KCNIP4: variants seen among roughly 807,000 people sequenced by gnomAD.
The protein encoded by KCNIP4 is Kv channel-interacting protein 4.
A neutral mutation model predicts 34.0 loss-of-function variants in KCNIP4; 12 were observed. The observed-to-expected ratio is 0.35, with a 90% CI of 0.23 to 0.57. The LOEUF (loss-of-function observed/expected upper bound fraction) is 0.57. KCNIP4 is among the 20% of genes least tolerant of loss of function. KCNIP4 has a pLI of 0.83. For synonymous variants in KCNIP4, 124 were observed against 102.2 expected, an observed-to-expected ratio of 1.21 and a Z score of -1.29; for missense variants, 238 against 311.7, an observed-to-expected ratio of 0.76 and a Z score of 1.78.
chr4:21,904,551 A>G (rs1727884644), intron 1 of KCNIP4, among the ~76,000 whole-genome samples: 1 of 152,204 alleles, frequency 6.6e-6, no homozygotes, highest in South Asian at 2.1e-4. Context: ...TTCAAATTCT[A>G]GAAATCTACT....
At chr4:21,098,986 G>T (rs1207842886) in intron 1 of KCNIP4, among the ~76,000 whole-genome samples, 1 of 152,184 alleles carries the variant, frequency 6.6e-6, no homozygotes, top group East Asian at 1.9e-4. Flanking sequence ...TGACGAGGCT[G>T]CAGAGAAAAA....
rs79500007 is a variant in KCNIP4, at chr4:21,631,053, T to C, written c.61+317518A>G. The stretch of plus-strand genomic sequence containing the variant: ...GTTATTCTGTGACGCTTCCTCACTA[T>C]ATTCGGTAAGGAAAATGTACTACCT... On this transcript the variant is annotated intron_variant, in intron 1 of 8. Transcript: ENST00000382152. Among the ~76,000 whole-genome samples the C allele has an allele frequency of 4.9e-3, 751 of 152,316 alleles. 6 individuals are homozygous for C. In the East Asian group the frequency reaches 0.059, roughly 12 times the overall value.
intron 1 of KCNIP4, chr4:21,855,627 T>A (rs1303617773): frequency 6.6e-6 from 1 of 152,204 alleles, no homozygotes; most frequent in African/African-American, 2.4e-5. Flanking sequence ...CTTCCATTCT[T>A]CTATAAGTTC....
chr4:20,783,533 T>G (rs1711528820), intron 3 of KCNIP4, among the ~76,000 whole-genome samples: 1 of 152,116 alleles, frequency 6.6e-6, no homozygotes, highest in Non-Finnish European at 1.5e-5. Context: ...GATAAAACTG[T>G]CAGATCTTGT....
chr4:21,371,974 A>G (rs1720490601), intron 1 of KCNIP4, among the ~76,000 whole-genome samples: 1 of 147,266 alleles, frequency 6.8e-6, no homozygotes, highest in South Asian at 2.1e-4. Context: ...TATATATTGT[A>G]AATAAACACA....
chr4:20,999,414 GTTTTTTT>G (rs5856594), intron 1 of KCNIP4, among the ~76,000 whole-genome samples: 2 of 95,348 alleles, frequency 2.1e-5, no homozygotes, highest in South Asian at 2.9e-4. Context: ...TTGTGGTGGT[GTTTTTTT>G]TTTTTGTTTG....
At chr4:21,878,727 G>T (rs908736828) in intron 1 of KCNIP4, among the ~76,000 whole-genome samples, 2 of 152,008 alleles carry the variant, frequency 1.3e-5, no homozygotes, top group African/African-American at 4.8e-5. Context: ...GAACACAAAC[G>T]TGAAGACTCA....
chr4:21,303,737 T>TA, intron 1 of KCNIP4: 1 of 1,258,978 alleles, frequency 7.9e-7, no homozygotes. Context: ...AGGTGCCTCT[T>TA]ACATTCACCT....
chr4:21,086,553 T>C (rs1746449101), intron 1 of KCNIP4, among the ~76,000 whole-genome samples: 1 of 152,194 alleles, frequency 6.6e-6, no homozygotes, highest in East Asian at 1.9e-4. Flanking sequence ...TCTCATGAAG[T>C]ATAATTTGAC....
intron 3 of KCNIP4, among the ~76,000 whole-genome samples, chr4:20,833,254 T>A (rs963201657): frequency 6.6e-6 from 1 of 152,226 alleles, no homozygotes; most frequent in Non-Finnish European, 1.5e-5. Context: ...TTGTTCTTTT[T>A]CCTTTATAAT....
At chr4:21,123,973 G>T (rs1750388844) in intron 1 of KCNIP4, among the ~76,000 whole-genome samples, 1 of 151,524 alleles carries the variant, frequency 6.6e-6, no homozygotes, top group South Asian at 2.1e-4. Context: ...AGGTCACCCA[G>T]TCTGTAGTAT....
rs571128567 is a variant in KCNIP4 at position 20,941,673 on chromosome 4, A to T, written c.62-58964T>A. 7.2e-5 allele frequency among the ~76,000 whole-genome samples: 11 copies of T among 152,360 alleles called. No individual in the cohort carries two copies. The East Asian group carries it at 7.7e-4, about 11-fold the overall frequency. On this transcript the variant is annotated intron_variant, in intron 1 of 8. Coordinates refer to ENST00000382152, the MANE Select transcript of KCNIP4 (RefSeq NM_025221.6). ...GCCATACAGAAAGGTTAACTATTTTAAAAAATGTTATGTAATCTTCTATTT... is the reference window on the plus strand; with the variant it reads ...GCCATACAGAAAGGTTAACTATTTTTAAAAATGTTATGTAATCTTCTATTT...
At chr4:21,632,795 T>G (rs976354472) in intron 1 of KCNIP4, among the ~76,000 whole-genome samples, 1 of 152,026 alleles carries the variant, frequency 6.6e-6, no homozygotes, top group Admixed American at 6.6e-5. Flanking sequence ...GAGATGGAGG[T>G]CCAGCGTAAA....
chr4:20,908,637 A>G (rs1728032223), intron 1 of KCNIP4, among the ~76,000 whole-genome samples: 1 of 152,208 alleles, frequency 6.6e-6, no homozygotes, highest in Admixed American at 6.5e-5. Context: ...TTATTTTGCA[A>G]CAGAGACCAG....
At chr4:21,154,048 T>C (rs1294981229) in intron 1 of KCNIP4, among the ~76,000 whole-genome samples, 3 of 152,160 alleles carry the variant, frequency 2.0e-5, no homozygotes, top group Admixed American at 6.5e-5. Flanking sequence ...AAAAAGAAAT[T>C]ATCCTATTGC....
At chr4:20,731,456 G>T (rs1748179431) in intron 8 of KCNIP4, 1 of 985,036 alleles carries the variant, frequency 1.0e-6, no homozygotes, top group African/African-American at 1.7e-5. Flanking sequence ...TTGATAACAG[G>T]CTACTACCTG....
At chr4:20,817,634 C>CT (rs943842177) in intron 3 of KCNIP4, among the ~76,000 whole-genome samples, 19 of 146,396 alleles carry the variant, frequency 1.3e-4, no homozygotes, top group East Asian at 6.0e-4. Flanking sequence ...CTCATTTTAC[C>CT]TTTTTTTTTT....
At chr4:21,929,122 A>T (rs1170500950) in intron 1 of KCNIP4, among the ~76,000 whole-genome samples, 1 of 152,124 alleles carries the variant, frequency 6.6e-6, no homozygotes, top group Non-Finnish European at 1.5e-5. Context: ...TGTAAGTTTA[A>T]AAACATACAC....
chr4:21,757,272 GA>G (rs1560691883), intron 1 of KCNIP4, among the ~76,000 whole-genome samples: 2 of 79,554 alleles, frequency 2.5e-5, no homozygotes. Context: ...GAAAAGAAAA[GA>G]AAAGAAAAGA....
Sources: gnomAD v4.1 joint callset for allele counts (sites outside exome capture counted in the v4.1 genomes callset) on GRCh38, gnomAD v4.1.1 for gene constraint, MANE v1.5 for transcripts, NCBI Gene and HGNC (gene_info 2026-07-23, HGNC 2026-07-21) for gene names.